Variants in ZEB2 observed in about 807,000 individuals in gnomAD.
ZEB2 encodes the protein zinc finger E-box binding homeobox 2, also known as zinc finger E-box-binding homeobox 2.
In ZEB2, 6 loss-of-function variants were observed where a neutral mutation model predicts 99.9. The ratio of observed to expected loss-of-function variants is 0.06; its 90% CI spans 0.03 to 0.12. ZEB2 has a LOEUF of 0.12. Ranked by LOEUF, ZEB2 falls within the 10% of genes least tolerant of loss-of-function variation. The pLI, the probability that ZEB2 is intolerant of heterozygous loss-of-function variation, is 1.00. For missense variants in ZEB2, 969 were observed against 1,502.8 expected, an observed-to-expected ratio of 0.64 and a Z score of 5.87; for synonymous variants, 517 against 542.5, an observed-to-expected ratio of 0.95 and a Z score of 0.65.
chr2:144,395,948 C>T (rs574611642), intron 9 of ZEB2, among the ~76,000 whole-genome samples: 2 of 147,918 alleles, frequency 1.4e-5, no homozygotes, highest in East Asian at 3.9e-4. Context: ...CAAAATGTGG[C>T]GAATTTAAAA....
At chr2:144,451,409 T>C (rs1396627410) in intron 2 of ZEB2, among the ~76,000 whole-genome samples, 4 of 152,250 alleles carry the variant, frequency 2.6e-5, no homozygotes, top group African/African-American at 9.6e-5. Flanking sequence ...AGAAGGGACC[T>C]GCACATTGTA....
chr2:144,497,981 A>G (rs1206075444), intron 2 of ZEB2, among the ~76,000 whole-genome samples: 1 of 6,050 alleles, frequency 1.7e-4, no homozygotes, highest in African/African-American at 1.2e-3. Context: ...TATATTATAT[A>G]ATATATTAAT....
chr2:144,412,236 T>A (rs1411812396), intron 4 of ZEB2, among the ~76,000 whole-genome samples: 1 of 152,210 alleles, frequency 6.6e-6, no homozygotes, highest in Admixed American at 6.5e-5. Context: ...GCCACTGCAC[T>A]CCAGCCTGGG....
intron 2 of ZEB2, among the ~76,000 whole-genome samples, chr2:144,481,060 G>C (rs1348603221): frequency 2.0e-5 from 3 of 152,092 alleles, no homozygotes; most frequent in African/African-American, 7.2e-5. Flanking sequence ...ACACCTTTGA[G>C]TTGAAGATCT....
intron 2 of ZEB2, among the ~76,000 whole-genome samples, chr2:144,472,704 C>G (rs1032339719): frequency 7.2e-5 from 11 of 152,024 alleles, no homozygotes; most frequent in Non-Finnish European, 7.4e-5. Flanking sequence ...AAAGGAAGCA[C>G]GGATGGACTA....
At chr2:144,394,329 A>G (rs1304470921) in intron 9 of ZEB2, 2 of 152,220 alleles carry the variant, frequency 1.3e-5, no homozygotes, top group Admixed American at 6.5e-5. Flanking sequence ...TATAAGAAGT[A>G]AATATATTGA....
In ZEB2 at chr2:144,517,353, A is replaced by G. The variant is rs530378370; in HGVS notation, c.-3T>C. ...TCCGCCATGATCGGCTGCTTCATTG[A>G]TAAGAGCGGATCAGATGGCAGTTCG... On this transcript the variant is annotated 5_prime_UTR_variant, in exon 2 of 10. Transcript: ENST00000627532. 19 of 1,613,500 alleles carry G rather than the reference A, an allele frequency of 1.2e-5. No homozygotes were observed. Among genetic ancestry groups the G allele is most frequent in the Non-Finnish European group, 1.5e-5 (18 of 1,179,814 alleles).
chr2:144,478,477 TA>T (rs1345711856), intron 2 of ZEB2, among the ~76,000 whole-genome samples: 3 of 152,234 alleles, frequency 2.0e-5, no homozygotes, highest in African/African-American at 7.2e-5. Flanking sequence ...TGTTAAAATC[TA>T]AATTGTGATT....
At chr2:144,432,477 A>G (rs1339481120) in intron 2 of ZEB2, among the ~76,000 whole-genome samples, 1 of 152,134 alleles carries the variant, frequency 6.6e-6, no homozygotes, top group Non-Finnish European at 1.5e-5. Flanking sequence ...TCTGAATTCA[A>G]ATGAGACAAT....
chr2:144,512,057 A>T lies in ZEB2; in HGVS notation c.73+5221T>A, dbSNP rs1243960071. The T allele has an allele frequency of 2.3e-6, 3 of 1,287,208 alleles. No individual in the cohort carries two copies. In the Admixed American group the frequency reaches 6.9e-5, roughly 30 times the overall value. The allele number at this position is 1,287,208 out of a possible 1,614,324, so 79.7% of individuals were successfully genotyped here. On this transcript the variant is annotated intron_variant, in intron 2 of 9. Transcript: ENST00000627532. Reference sequence around the variant, plus strand: ...GGTGTCTGACTTGGCCATTCAGACAATTGCCCCCTTGTGGGAATGCGGGAA... The same window carrying T: ...GGTGTCTGACTTGGCCATTCAGACATTTGCCCCCTTGTGGGAATGCGGGAA...
chr2:144,488,050 T>G (rs1222867876), intron 2 of ZEB2, among the ~76,000 whole-genome samples: 1 of 152,218 alleles, frequency 6.6e-6, no homozygotes, highest in Non-Finnish European at 1.5e-5. Context: ...CACATGGATG[T>G]ATCTAAAGCC....
chr2:144,487,340 C>A (rs745315860), intron 2 of ZEB2, among the ~76,000 whole-genome samples: 1 of 152,148 alleles, frequency 6.6e-6, no homozygotes, highest in Non-Finnish European at 1.5e-5. Context: ...ACTGCCCCAA[C>A]AGCCAGCACA....
chr2:144,409,171 C>T (rs991630652), intron 4 of ZEB2, among the ~76,000 whole-genome samples: 1 of 152,064 alleles, frequency 6.6e-6, no homozygotes, highest in Admixed American at 6.6e-5. Flanking sequence ...AGCCAAGAAA[C>T]TTCCTTTTCT....
At chr2:144,511,429 C>A in intron 2 of ZEB2, 1 of 1,241,510 alleles carries the variant, frequency 8.1e-7, no homozygotes, top group Non-Finnish European at 1.0e-6. Context: ...CTACTAGTTA[C>A]ACTTTTCCTG....
intron 4 of ZEB2, among the ~76,000 whole-genome samples, chr2:144,412,871 G>T (rs1015160070): frequency 7.9e-5 from 12 of 152,268 alleles, no homozygotes; most frequent in Admixed American, 2.6e-4. Context: ...GCTGATAAAA[G>T]AATGAACCAT....
chr2:144,424,838 C>G lies in ZEB2; in HGVS notation c.361G>C (p.Gly121Arg), dbSNP rs1703670742. The G allele has an allele frequency of 6.2e-7, 1 of 1,613,976 alleles. No individual in the cohort carries two copies. The highest frequency in any genetic ancestry group is 1.7e-5 in the Admixed American group (1 of 60,016). ...GCGGTCTGGATCGTGGCTTCTGGCC[C>G]CATAGTGTCATAGTCTTCCTTCATT... is the stretch of plus-strand genomic sequence containing the variant. The part of the protein sequence containing the change: ...EEMKEDYDTM[G>R]PEATIQTAIN... The change falls in exon 4 of 10, where the codon GGG becomes CGG. Residue 121 changes from glycine to arginine, a missense_variant. This residue lies in a region of ZEB2 where 173 missense variants were observed against 217.7 expected (regional missense o/e 0.79). Transcript: ENST00000627532.
At chr2:144,484,476 G>C (rs1311736436) in intron 2 of ZEB2, among the ~76,000 whole-genome samples, 1 of 152,132 alleles carries the variant, frequency 6.6e-6, no homozygotes, top group African/African-American at 2.4e-5. Context: ...CATGATCCCA[G>C]ATCTTCACAG....
chr2:144,403,156 G>A (rs893907343), intron 6 of ZEB2, among the ~76,000 whole-genome samples: 6 of 152,146 alleles, frequency 3.9e-5, no homozygotes, highest in African/African-American at 1.4e-4. Flanking sequence ...GGAAAGAGGA[G>A]TTTTGATGTA....
chr2:144,430,155 T>C, intron 2 of ZEB2, 129 bp from the exon 3 acceptor site: 1 of 1,309,018 alleles, frequency 7.6e-7, no homozygotes, highest in Non-Finnish European at 1.1e-6. Flanking sequence ...GTCAGGAAAA[T>C]ATAATTAATA....
Sources: gnomAD v4.1 joint callset for allele counts (sites outside exome capture counted in the v4.1 genomes callset) on GRCh38, gnomAD v4.1.1 for gene constraint, gnomAD v4.1.1 regional missense constraint, MANE v1.5 for transcripts, NCBI Gene and HGNC (gene_info 2026-07-23, HGNC 2026-07-21) for gene names.